Variants in TEX264 observed in about 807,000 individuals in gnomAD.
TEX264 encodes testis expressed 264, ER-phagy receptor, also known as testis-expressed protein 264.
Under a neutral mutation model 23.4 loss-of-function variants are expected in TEX264, and 13 were observed. That is an observed-to-expected ratio of 0.56 (90% confidence interval 0.36 to 0.88). The LOEUF is 0.88. Among genes scored for constraint, TEX264 ranks in the 40% least tolerant of loss-of-function variants. The pLI, the probability that TEX264 is intolerant of heterozygous loss-of-function variation, is 0.01. For missense variants in TEX264, 340 were observed against 406.8 expected (o/e 0.84, Z 1.41); for synonymous variants, 159 against 170.0 (o/e 0.94, Z 0.50).
At chr3:51,679,209 C>T (rs1702337766) in intron 2 of TEX264, among the ~76,000 whole-genome samples, 1 of 152,174 alleles carries the variant, frequency 6.6e-6, no homozygotes. Flanking sequence ...TCATCTGTCA[C>T]ATGAGGATAA....
intron 3 of TEX264, among the ~76,000 whole-genome samples, chr3:51,685,255 C>A (rs1702580061): frequency 6.6e-6 from 1 of 152,250 alleles, no homozygotes; most frequent in Non-Finnish European, 1.5e-5. Flanking sequence ...TGCCCTGTTA[C>A]ACATCCCTCC....
At chr3:51,680,024 G>A (rs1168978185) in intron 2 of TEX264, among the ~76,000 whole-genome samples, 1 of 152,178 alleles carries the variant, frequency 6.6e-6, no homozygotes, top group African/African-American at 2.4e-5. Flanking sequence ...AGTGCAGCTC[G>A]TCTATTCCCT....
chr3:51,687,700 C>T (rs1427208312), intron 3 of TEX264, among the ~76,000 whole-genome samples: 4 of 152,072 alleles, frequency 2.6e-5, no homozygotes, highest in Admixed American at 2.6e-4. Context: ...TTGGCAGGCT[C>T]ACCAGCCTCT....
chr3:51,680,205 C>A (rs563704365), intron 2 of TEX264, among the ~76,000 whole-genome samples: 2 of 152,268 alleles, frequency 1.3e-5, no homozygotes, highest in South Asian at 4.1e-4. Flanking sequence ...CTGGGGTTGG[C>A]AGTTTGTATT....
rs535630540 is a variant in TEX264, at chr3:51,698,374, G to A, written c.481-1032G>A. ...GAGAGCGGGGCGAATGCTATAAATA[G>A]TCGTGTTGTGAAGATTGGCGGGTGA... On this transcript the variant is annotated intron_variant, in intron 3 of 4. Transcript: ENST00000341333. Among the ~76,000 whole-genome samples, 4 of 152,300 alleles carry A rather than the reference G, an allele frequency of 2.6e-5. No homozygotes were observed. In the South Asian group the frequency reaches 8.3e-4, roughly 32 times the overall value.
At chr3:51,674,643 T>C (rs1702172609) in intron 2 of TEX264, 81 bp downstream of exon 2, 1 of 1,538,276 alleles carries the variant, frequency 6.5e-7, no homozygotes, top group South Asian at 1.2e-5. Context: ...TTTTGGTTGC[T>C]GAGGAAAGGG....
rs575199585 is a variant in TEX264 at position 51,679,169 on chromosome 3, G to A, written c.258+4607G>A. On this transcript the variant is annotated intron_variant, in intron 2 of 4. Transcript: ENST00000341333. ...TGCTAACCAATGTGTGACTTTAGGT[G>A]AGTCACTTGGCCTGTCTGAGTATGT... 3.3e-5 allele frequency among the ~76,000 whole-genome samples: 5 copies of A among 152,290 alleles called. No homozygotes were observed. In the East Asian group the frequency reaches 9.7e-4, roughly 29 times the overall value.
rs555508141 is a variant in TEX264, at chr3:51,674,561, T to C, written c.257T>C (p.Met86Thr). ...GCTGTCTACTATGACAACCCCCACA[T>C]GGTAAGGAGTCTCCATGGGGTTCTG... ...SIAVYYDNPH[M>T]VPPDKCRCAV... The change falls in exon 2 of 5, where the codon ATG (methionine) becomes ACG (threonine). Residue 86 changes from methionine to threonine, a missense_variant and splice_region_variant. Physicochemically the swap from Met to Thr is moderately conservative, Grantham distance 81. Coordinates refer to ENST00000341333, the MANE Select transcript of TEX264 (RefSeq NM_015926.6). 2 of 1,613,710 alleles carry C rather than the reference T, an allele frequency of 1.2e-6. No homozygotes were observed. Among genetic ancestry groups the C allele is most frequent in the South Asian group, 1.1e-5 (1 of 91,072 alleles).
At position 51,689,480 on chromosome 3, in the gene TEX264, A is replaced by C. The variant is rs550708835; in HGVS notation, c.480+4846A>C. The stretch of plus-strand genomic sequence containing the variant: ...AAAAAAAAAAAAAGGGAAGGAAGGA[A>C]GTAAAGTAAGAAAGTAAGGCAAGGA... On this transcript the variant is annotated intron_variant, in intron 3 of 4. Coordinates refer to ENST00000341333, the MANE Select transcript of TEX264 (RefSeq NM_015926.6). Among the ~76,000 whole-genome samples, 26 of 150,954 alleles carry C rather than the reference A, an allele frequency of 1.7e-4. 1 individual carries two copies. Among genetic ancestry groups the C allele is most frequent in the African/African-American group, 6.3e-4 (26 of 41,218 alleles).
At position 51,684,494 on chromosome 3, in the gene TEX264, C is replaced by G; in HGVS notation, c.340C>G (p.Leu114Val). ...ATCGCCCTCCCCTGAGCTCATCGAC[C>G]TCTACCAGAAATTTGGCTTCAAGGT... ...EESPSPELID[L>V]YQKFGFKVFS... Residue 114 changes from leucine to valine, a missense_variant, in exon 3 of 5, where the codon CTC becomes GTC. Leu to Val is a conservative substitution (Grantham distance 32). Coordinates refer to ENST00000341333, the MANE Select transcript of TEX264 (RefSeq NM_015926.6). 1 of 1,614,236 alleles carries G rather than the reference C, an allele frequency of 6.2e-7. No individual in the cohort carries two copies. Among genetic ancestry groups the G allele is most frequent in the Non-Finnish European group, 8.5e-7 (1 of 1,180,044 alleles).
intron 1 of TEX264, chr3:51,671,618 G>C (rs1294072423): frequency 1.3e-5 from 2 of 155,072 alleles, no homozygotes; most frequent in Non-Finnish European, 2.9e-5. Flanking sequence ...CGCAGCCTGG[G>C]CTGCAAACTT....
chr3:51,676,277 G>A (rs543334219), intron 2 of TEX264, among the ~76,000 whole-genome samples: 16 of 152,208 alleles, frequency 1.1e-4, no homozygotes, highest in Non-Finnish European at 2.2e-4. Flanking sequence ...GCCTGTTCTG[G>A]AATCAACAGG....
At chr3:51,672,845 G>A (rs190325458) in intron 1 of TEX264, among the ~76,000 whole-genome samples, 1 of 152,304 alleles carries the variant, frequency 6.6e-6, no homozygotes, top group East Asian at 1.9e-4. Context: ...AGTGCCTGGC[G>A]TATAGTAAGC....
At chr3:51,674,710 TC>T in intron 2 of TEX264, 148 bp downstream of exon 2, 1 of 974,702 alleles carries the variant, frequency 1.0e-6, no homozygotes, top group Non-Finnish European at 1.5e-6. Context: ...TGAAGCACCT[TC>T]CAGATTTAGC....
Position 51,674,533 on chromosome 3 carries a change from A to G in TEX264, c.229A>G (p.Ile77Val), listed in dbSNP as rs1375006668. ...CAGCATCTCTCCCAAGCTCCGCTCC[A>G]TCGCTGTCTACTATGACAACCCCCA... ...SCSISPKLRS[I>V]AVYYDNPHMV... The change falls in exon 2 of 5, where the codon ATC becomes GTC. Residue 77 changes from isoleucine (I) to valine (V), a missense_variant. Transcript: ENST00000341333. The G allele has an allele frequency of 1.9e-6, 3 of 1,614,110 alleles. No homozygotes were observed. The highest frequency in any genetic ancestry group is 2.7e-5 in the African/African-American group (2 of 75,026).
intron 2 of TEX264, among the ~76,000 whole-genome samples, chr3:51,676,992 C>A (rs887866557): frequency 1.3e-5 from 2 of 152,174 alleles, no homozygotes; most frequent in Non-Finnish European, 2.9e-5. Flanking sequence ...ACACTTGGGT[C>A]CCCATTTACT....
rs762843579 is a variant in TEX264, at chr3:51,674,364, G to A, written c.60G>A (p.Thr20=). ...GCCTGACTCTCTTACTGCTGCTGAC[G>A]CTGCTGGCCTTTGCCGGGTACTCAG... ...IGGLTLLLLL[T]LLAFAGYSGL... Residue 20 remains threonine (T), a synonymous_variant, in exon 2 of 5, where the codon ACG becomes ACA. Coordinates refer to ENST00000341333, the MANE Select transcript of TEX264 (RefSeq NM_015926.6). 9.3e-6 allele frequency: 15 copies of A among 1,614,092 alleles called. No individual in the cohort carries two copies. Among genetic ancestry groups the A allele is most frequent in the South Asian group, 6.6e-5 (6 of 91,090 alleles).
At chr3:51,690,504 G>A (rs908224029) in intron 3 of TEX264, among the ~76,000 whole-genome samples, 1 of 150,184 alleles carries the variant, frequency 6.7e-6, no homozygotes, top group African/African-American at 2.5e-5. Context: ...TGCCCAGTGA[G>A]CTGAGATCAC....
chr3:51,682,886 GA>G, intron 2 of TEX264: 1 of 152,374 alleles, frequency 6.6e-6, no homozygotes, highest in South Asian at 2.1e-4. Context: ...TGAGAGCCTG[GA>G]ATAGGTGCCC....
Sources: gnomAD v4.1 joint callset for allele counts (sites outside exome capture counted in the v4.1 genomes callset) on GRCh38, gnomAD v4.1.1 for gene constraint, MANE v1.5 for transcripts, NCBI Gene and HGNC (gene_info 2026-07-23, HGNC 2026-07-21) for gene names.